NALF1: variants seen among roughly 807,000 people sequenced by gnomAD.
NALF1 encodes family with sequence similarity 155 member A.
A neutral mutation model predicts 48.4 loss-of-function variants in NALF1; 3 were observed. The ratio of observed to expected loss-of-function variants is 0.06; its 90% CI spans 0.03 to 0.16. The LOEUF (loss-of-function observed/expected upper bound fraction) is 0.16, where lower values mean the gene tolerates loss of function less well. Among genes scored for constraint, NALF1 ranks in the 10% least tolerant of loss-of-function variants. NALF1 has a pLI of 1.00. For synonymous variants in NALF1, 262 were observed against 245.7 expected, an observed-to-expected ratio of 1.07 and a Z score of -0.62; for missense variants, 526 against 571.5, an observed-to-expected ratio of 0.92 and a Z score of 0.81.
chr13:107,543,645 TG>T (rs2139121702), intron 1 of NALF1, among the ~76,000 whole-genome samples: 1 of 152,040 alleles, frequency 6.6e-6, no homozygotes, highest in African/African-American at 2.4e-5. Context: ...AACCATAAAT[TG>T]GGAACGGTCT....
At chr13:107,209,120 C>T (rs1879704759) in intron 2 of NALF1, among the ~76,000 whole-genome samples, 1 of 152,148 alleles carries the variant, frequency 6.6e-6, no homozygotes, top group Non-Finnish European at 1.5e-5. Flanking sequence ...AGGGGTGGTG[C>T]CTCTGAGAGA....
At chr13:107,403,772 C>A (rs573602688) in intron 1 of NALF1, among the ~76,000 whole-genome samples, 1 of 151,614 alleles carries the variant, frequency 6.6e-6, no homozygotes, top group African/African-American at 2.4e-5. Flanking sequence ...TGAAGTTACA[C>A]ACCATTTTAG....
At chr13:107,271,814 A>ATATATATATATTTATTTATT (rs1374366280) in intron 1 of NALF1, among the ~76,000 whole-genome samples, 17 of 102,550 alleles carry the variant, frequency 1.7e-4, no homozygotes, top group African/African-American at 3.9e-4. Context: ...ATATATATAT[A>ATATATATATATTTATTTATT]TATTTATATA....
chr13:107,202,719 A>C (rs1879547124), intron 2 of NALF1, among the ~76,000 whole-genome samples: 1 of 152,196 alleles, frequency 6.6e-6, no homozygotes. Flanking sequence ...ATGTTTGTTG[A>C]ACAATGAGAT....
intron 1 of NALF1, among the ~76,000 whole-genome samples, chr13:107,757,144 C>T (rs1877124014): frequency 6.6e-6 from 1 of 152,082 alleles, no homozygotes. Context: ...AGGAACAAGG[C>T]AGTGATTGAG....
Position 107,689,141 on chromosome 13 carries a change from C to A in NALF1, c.915+176541G>T, listed in dbSNP as rs548644572. ...ACAACCAGGGAGAAGTCACCCTGCCCGGAGTCACAGCGGTGCAAGAACCAG... is the reference window on the plus strand; with the variant it reads ...ACAACCAGGGAGAAGTCACCCTGCCAGGAGTCACAGCGGTGCAAGAACCAG... On this transcript the variant is annotated intron_variant, in intron 1 of 2. Coordinates refer to ENST00000375915, the MANE Select transcript of NALF1 (RefSeq NM_001080396.3). Among the ~76,000 whole-genome samples the A allele has an allele frequency of 5.3e-5, 8 of 152,220 alleles. No individual in the cohort carries two copies. The South Asian group carries it at 1.7e-3, about 32-fold the overall frequency.
At chr13:107,845,625 C>A (rs1185377541) in intron 1 of NALF1, among the ~76,000 whole-genome samples, 1 of 152,166 alleles carries the variant, frequency 6.6e-6, no homozygotes, top group Non-Finnish European at 1.5e-5. Flanking sequence ...AAACCATAGT[C>A]ATATAGAGAT....
At chr13:107,442,619 A>G (rs16970118) in intron 1 of NALF1, among the ~76,000 whole-genome samples, 28,660 of 152,134 alleles carry the variant, frequency 0.19, 3,185 homozygotes, top group African/African-American at 0.31. Context: ...ATGTCTCTTG[A>G]TATTTAACCA....
At chr13:107,415,684 G>A (rs373179198) in intron 1 of NALF1, among the ~76,000 whole-genome samples, 3 of 152,306 alleles carry the variant, frequency 2.0e-5, no homozygotes, top group African/African-American at 7.2e-5. Context: ...GGGGGCCTCA[G>A]AGTTATCTGT....
intron 1 of NALF1, among the ~76,000 whole-genome samples, chr13:107,815,638 T>C (rs1218182878): frequency 5.3e-5 from 8 of 152,162 alleles, no homozygotes; most frequent in African/African-American, 1.7e-4. Context: ...CTCCTAGGTA[T>C]ACACCTAAGA....
chr13:107,286,693 A>C (rs1218688304), intron 1 of NALF1, among the ~76,000 whole-genome samples: 1 of 152,138 alleles, frequency 6.6e-6, no homozygotes, highest in African/African-American at 2.4e-5. Flanking sequence ...ATACAATGGG[A>C]TACTACTCAG....
intron 1 of NALF1, among the ~76,000 whole-genome samples, chr13:107,430,560 T>A (rs1346929642): frequency 6.6e-6 from 1 of 152,212 alleles, no homozygotes; most frequent in Non-Finnish European, 1.5e-5. Context: ...GTTGGTTTTT[T>A]GTCCTTGCGA....
chr13:107,177,425 C>G (rs1878961421), intron 2 of NALF1, among the ~76,000 whole-genome samples: 1 of 152,034 alleles, frequency 6.6e-6, no homozygotes, highest in African/African-American at 2.4e-5. Flanking sequence ...CACAAAAGGC[C>G]CAGAATAGCC....
chr13:107,491,474 T>C (rs576132317), intron 1 of NALF1, among the ~76,000 whole-genome samples: 1 of 152,278 alleles, frequency 6.6e-6, no homozygotes, highest in East Asian at 1.9e-4. Context: ...AGTCCAGTGA[T>C]TCAGAGACTG....
chr13:107,761,760 C>T (rs1877271859), intron 1 of NALF1, among the ~76,000 whole-genome samples: 1 of 152,190 alleles, frequency 6.6e-6, no homozygotes. Flanking sequence ...AACAGGACTT[C>T]ATATTCAAAG....
chr13:107,583,820 C>A (rs772432779), intron 1 of NALF1, among the ~76,000 whole-genome samples: 1 of 152,100 alleles, frequency 6.6e-6, no homozygotes, highest in African/African-American at 2.4e-5. Flanking sequence ...TAGCAAAATA[C>A]CCTGTAACCT....
At chr13:107,364,022 T>C (rs765990630) in intron 1 of NALF1, among the ~76,000 whole-genome samples, 1 of 152,228 alleles carries the variant, frequency 6.6e-6, no homozygotes, top group African/African-American at 2.4e-5. Flanking sequence ...CTAATCAGTC[T>C]ATACGTAATA....
At chr13:107,472,777 G>A (rs192371338) in intron 1 of NALF1, among the ~76,000 whole-genome samples, 1 of 152,228 alleles carries the variant, frequency 6.6e-6, no homozygotes, top group East Asian at 1.9e-4. Flanking sequence ...TTGGGACTGG[G>A]ACTGGCTTCC....
At chr13:107,633,754 A>G (rs113426411) in intron 1 of NALF1, among the ~76,000 whole-genome samples, 155 of 147,556 alleles carry the variant, frequency 1.1e-3, no homozygotes, top group African/African-American at 3.6e-3. Context: ...ACACATATAT[A>G]TGGAAAATAT....
Sources: allele counts gnomAD v4.1 joint callset (sites outside exome capture counted in the v4.1 genomes callset), GRCh38; gene constraint gnomAD v4.1.1; transcripts MANE v1.5; gene names NCBI Gene and HGNC (gene_info 2026-07-23, HGNC 2026-07-21).